CACNA2D3: variants seen among roughly 807,000 people sequenced by gnomAD.
CACNA2D3 encodes the protein calcium voltage-gated channel auxiliary subunit alpha2delta 3.
In CACNA2D3, 60 loss-of-function variants were observed where a neutral mutation model predicts 160.6. The ratio of observed to expected loss-of-function variants is 0.37; its 90% confidence interval spans 0.30 to 0.46. CACNA2D3 has a LOEUF of 0.46. Ranked by LOEUF, CACNA2D3 falls within the 20% of genes least tolerant of loss-of-function variation. CACNA2D3 has a pLI of 1.00. For missense variants in CACNA2D3, 1,205 were observed against 1,365.0 expected (o/e 0.88, Z 1.85); for synonymous variants, 558 against 492.9 (o/e 1.13, Z -1.75).
At chr3:54,672,993 C>T (rs1159031987) in intron 11 of CACNA2D3, among the ~76,000 whole-genome samples, 1 of 152,186 alleles carries the variant, frequency 6.6e-6, no homozygotes, top group Non-Finnish European at 1.5e-5. Context: ...TAAATTTACT[C>T]TCACATGCCA....
At chr3:54,389,469 T>C (rs563911253) in intron 4 of CACNA2D3, among the ~76,000 whole-genome samples, 1 of 152,302 alleles carries the variant, frequency 6.6e-6, no homozygotes, top group East Asian at 1.9e-4. Context: ...TCTCAAACTA[T>C]TTGCCCACAA....
At chr3:54,790,993 G>A (rs1285549168) in intron 13 of CACNA2D3, among the ~76,000 whole-genome samples, 1 of 151,894 alleles carries the variant, frequency 6.6e-6, no homozygotes, top group African/African-American at 2.4e-5. Flanking sequence ...CAGCCCATTG[G>A]CCTATCGGTA....
In CACNA2D3 at chr3:55,007,677, CATG is replaced by C. The variant is rs1474267618; in HGVS notation, c.2767-110_2767-108del. On this transcript the variant is annotated intron_variant, in intron 32 of 37. Coordinates refer to ENST00000474759, the MANE Select transcript of CACNA2D3 (RefSeq NM_018398.3). ...TAGCTAGAACGCCACTGTTTTTTAA[CATG>C]ATATCAATCTCTCTAGAAGAATAAC... is the stretch of plus-strand genomic sequence containing the variant. The C allele has an allele frequency of 1.0e-5, 7 of 674,702 alleles. No individual in the cohort carries two copies. The East Asian group carries it at 1.9e-4, about 19-fold the overall frequency. The allele number at this position is 674,702 out of a possible 1,614,324, so 41.8% of individuals were successfully genotyped here. A position where few individuals can be genotyped will look rare whatever the true frequency, so the allele number is the denominator to read the frequency against.
chr3:54,189,306 A>C (rs1009317991), intron 2 of CACNA2D3, among the ~76,000 whole-genome samples: 2 of 152,178 alleles, frequency 1.3e-5, no homozygotes, highest in African/African-American at 4.8e-5. Flanking sequence ...GCTCACTGAT[A>C]CTGTGTGTGG....
At chr3:54,807,325 C>T (rs1161855230) in intron 13 of CACNA2D3, among the ~76,000 whole-genome samples, 25 of 152,116 alleles carry the variant, frequency 1.6e-4, no homozygotes, top group Admixed American at 1.6e-3. Flanking sequence ...GGCTAATATC[C>T]AGAATCTACA....
chr3:54,857,799 A>G (rs776360532), intron 17 of CACNA2D3, among the ~76,000 whole-genome samples: 105 of 152,302 alleles, frequency 6.9e-4, no homozygotes, highest in Non-Finnish European at 1.2e-3. Flanking sequence ...AGGCTTTTAC[A>G]TTAACACCAT....
intron 35 of CACNA2D3, among the ~76,000 whole-genome samples, chr3:55,067,107 G>T (rs1352835928): frequency 4.6e-5 from 7 of 151,372 alleles, no homozygotes; most frequent in Non-Finnish European, 7.4e-5. Context: ...GTAGCGGGGG[G>T]GGCTTTTCTC....
intron 2 of CACNA2D3, among the ~76,000 whole-genome samples, chr3:54,168,122 C>T (rs1024720285): frequency 4.6e-5 from 7 of 152,104 alleles, no homozygotes; most frequent in African/African-American, 1.7e-4. Flanking sequence ...TTCAGTAGAG[C>T]CAGCTCAGGG....
At chr3:54,687,115 C>CTTTTTTTTTTTTTTTT (rs1338617031) in intron 11 of CACNA2D3, among the ~76,000 whole-genome samples, 10 of 40,912 alleles carry the variant, frequency 2.4e-4, no homozygotes, top group Non-Finnish European at 5.1e-4. Flanking sequence ...TTTTCTTTTT[C>CTTTTTTTTTTTTTTTT]TTTTTCTTTT....
Position 54,278,747 on chromosome 3 carries a change from C to T in CACNA2D3, c.205-41695C>T, listed in dbSNP as rs146022237. Among the ~76,000 whole-genome samples, 50 of 152,212 alleles carry T rather than the reference C, an allele frequency of 3.3e-4. No individual in the cohort carries two copies. The East Asian group carries it at 5.6e-3, about 17-fold the overall frequency. ...ACTAACACAGGAACAGAAAACCAAACACCGCATGTTCTCACTCATAAGTGG... is the reference window on the plus strand; with the variant it reads ...ACTAACACAGGAACAGAAAACCAAATACCGCATGTTCTCACTCATAAGTGG... On this transcript the variant is annotated intron_variant, in intron 2 of 37. Transcript: ENST00000474759.
At chr3:54,942,211 A>C (rs1036606372) in intron 27 of CACNA2D3, among the ~76,000 whole-genome samples, 5 of 152,202 alleles carry the variant, frequency 3.3e-5, no homozygotes, top group African/African-American at 7.2e-5. Flanking sequence ...CAGGTGTGTC[A>C]GTGCTTTTAA....
At chr3:54,835,761 C>G (rs1001535031) in intron 14 of CACNA2D3, among the ~76,000 whole-genome samples, 1 of 152,192 alleles carries the variant, frequency 6.6e-6, no homozygotes, top group African/African-American at 2.4e-5. Flanking sequence ...AAGGACTTGC[C>G]TGGTCAATTT....
At chr3:54,537,892 G>T (rs1029782683) in intron 5 of CACNA2D3, among the ~76,000 whole-genome samples, 1 of 152,156 alleles carries the variant, frequency 6.6e-6, no homozygotes, top group Non-Finnish European at 1.5e-5. Context: ...CTTGTACCTG[G>T]CTGAGACATC....
chr3:54,989,994 G>T (rs1376612314), intron 31 of CACNA2D3, among the ~76,000 whole-genome samples: 1 of 152,170 alleles, frequency 6.6e-6, no homozygotes, highest in African/African-American at 2.4e-5. Context: ...CTATAGTTCA[G>T]AAGCAGTGAA....
intron 11 of CACNA2D3, among the ~76,000 whole-genome samples, chr3:54,706,023 A>G (rs1004073541): frequency 6.6e-6 from 1 of 152,172 alleles, no homozygotes; most frequent in African/African-American, 2.4e-5. Context: ...ACTAGCCCAT[A>G]TGTTTTAAGA....
chr3:54,355,978 C>A (rs1032276411), intron 3 of CACNA2D3, among the ~76,000 whole-genome samples: 1 of 152,102 alleles, frequency 6.6e-6, no homozygotes, highest in Admixed American at 6.5e-5. Flanking sequence ...CTGCTAAGTC[C>A]TTGGTCAGTA....
At chr3:54,392,963 C>A (rs1433162301) in intron 4 of CACNA2D3, among the ~76,000 whole-genome samples, 1 of 152,108 alleles carries the variant, frequency 6.6e-6, no homozygotes, top group Admixed American at 6.5e-5. Context: ...AGTGCTTGTC[C>A]CCCGCCACCC....
At chr3:54,163,559 A>G (rs1267010899) in intron 2 of CACNA2D3, among the ~76,000 whole-genome samples, 2 of 152,202 alleles carry the variant, frequency 1.3e-5, no homozygotes, top group African/African-American at 4.8e-5. Context: ...AATAAGTCAC[A>G]TGGCCAAGCC....
intron 35 of CACNA2D3, among the ~76,000 whole-genome samples, chr3:55,066,547 C>T (rs923118719): frequency 6.6e-6 from 1 of 152,232 alleles, no homozygotes; most frequent in Admixed American, 6.5e-5. Context: ...GCATGGTGAT[C>T]GCTTTCATCA....
Sources: allele counts gnomAD v4.1 joint callset (sites outside exome capture counted in the v4.1 genomes callset), GRCh38; gene constraint gnomAD v4.1.1; transcripts MANE v1.5; gene names NCBI Gene and HGNC (gene_info 2026-07-23, HGNC 2026-07-21).